Variants in AKAP19 observed in about 807,000 individuals in gnomAD.
The protein encoded by AKAP19 is A-kinase anchoring protein 19, also known as small A-kinase anchoring protein.
At chr2:190,197,583 T>A in the AKAP19 span, among the ~76,000 whole-genome samples, 1 of 152,180 alleles carries the variant, frequency 6.6e-6, no homozygotes, top group African/African-American at 2.4e-5. The surrounding 1 kb of genome is among the most constrained non-coding windows in gnomAD (Gnocchi z 4.0). Flanking sequence ...TCTCTGACTC[T>A]CCTGGGGCTC....
the AKAP19 span, among the ~76,000 whole-genome samples, chr2:189,979,152 G>A: frequency 6.6e-6 from 1 of 151,832 alleles, no homozygotes; most frequent in African/African-American, 2.4e-5. Flanking sequence ...GAACAAAGCT[G>A]GAGGCATCAT....
At chr2:189,952,625 G>A in the AKAP19 span, among the ~76,000 whole-genome samples, 8 of 152,086 alleles carry the variant, frequency 5.3e-5, no homozygotes, top group Non-Finnish European at 1.0e-4. Flanking sequence ...AAAGATCAAC[G>A]TTTCAATATC....
At chr2:190,199,727 G>A in the AKAP19 span, 833 of 1,487,328 alleles carry the variant, frequency 5.6e-4, 5 homozygotes, top group African/African-American at 0.011. Flanking sequence ...GTGGTGAAAG[G>A]GAACATTGAT....
the AKAP19 span, among the ~76,000 whole-genome samples, chr2:190,185,965 T>C: frequency 1.3e-5 from 2 of 152,222 alleles, no homozygotes; most frequent in Non-Finnish European, 2.9e-5. Flanking sequence ...ATTTTTATTT[T>C]TTTGAGACAG....
the AKAP19 span, among the ~76,000 whole-genome samples, chr2:189,919,962 AT>A: frequency 2.0e-5 from 3 of 152,250 alleles, no homozygotes; most frequent in African/African-American, 7.2e-5. Context: ...ACACACAAAC[AT>A]TCTGAGTTTT....
chr2:190,126,531 A>G, the AKAP19 span, among the ~76,000 whole-genome samples: 1 of 151,898 alleles, frequency 6.6e-6, no homozygotes, highest in Non-Finnish European at 1.5e-5. Flanking sequence ...GGTCTTAAAG[A>G]GCTTTACCTC....
At chr2:189,915,675 A>G in the AKAP19 span, among the ~76,000 whole-genome samples, 1 of 152,164 alleles carries the variant, frequency 6.6e-6, no homozygotes, top group Non-Finnish European at 1.5e-5. Context: ...GACACTGATG[A>G]GAATGCTTAT....
chr2:189,996,632 G>A, the AKAP19 span, among the ~76,000 whole-genome samples: 1 of 151,990 alleles, frequency 6.6e-6, no homozygotes, highest in Admixed American at 6.5e-5. Context: ...TTATTGATAG[G>A]GAGCTAGTGA....
the AKAP19 span, among the ~76,000 whole-genome samples, chr2:190,068,944 A>G: frequency 1.3e-5 from 2 of 152,094 alleles, no homozygotes; most frequent in Non-Finnish European, 2.9e-5. Flanking sequence ...TGGGCTTCCT[A>G]GATCTATGGC....
the AKAP19 span, among the ~76,000 whole-genome samples, chr2:190,044,498 G>A: frequency 2.6e-5 from 4 of 152,214 alleles, no homozygotes; most frequent in African/African-American, 9.6e-5. Context: ...TAGTCCAAGG[G>A]TGTCAAGGGC....
chr2:190,028,134 TC>T, the AKAP19 span, among the ~76,000 whole-genome samples: 1 of 152,124 alleles, frequency 6.6e-6, no homozygotes, highest in East Asian at 1.9e-4. Flanking sequence ...TTATCCTTAT[TC>T]CCTGCTATAT....
At chr2:190,190,745 A>G in the AKAP19 span, among the ~76,000 whole-genome samples, 1 of 152,164 alleles carries the variant, frequency 6.6e-6, no homozygotes, top group African/African-American at 2.4e-5. Flanking sequence ...TAGTGTGGGT[A>G]ATTATATTGT....
At chr2:189,880,153 C>T in the AKAP19 span, among the ~76,000 whole-genome samples, 2 of 152,166 alleles carry the variant, frequency 1.3e-5, no homozygotes, top group African/African-American at 2.4e-5. Context: ...CATTTCTCAA[C>T]TAAAAGTGTA....
At chr2:189,988,252 G>A in the AKAP19 span, among the ~76,000 whole-genome samples, 2 of 152,146 alleles carry the variant, frequency 1.3e-5, no homozygotes. Context: ...CAGGAAAAAG[G>A]CAGGCTTAGA....
chr2:190,160,710 T>TA, the AKAP19 span, among the ~76,000 whole-genome samples: 71,626 of 151,564 alleles, frequency 0.47, 18,663 homozygotes, highest in East Asian at 0.83. Flanking sequence ...GATTTTTTTT[T>TA]AAAAAAGAAG....
chr2:190,110,532 A>C, the AKAP19 span, among the ~76,000 whole-genome samples: 4 of 152,224 alleles, frequency 2.6e-5, no homozygotes, highest in African/African-American at 9.6e-5. Context: ...TTCTGCTCAG[A>C]TGTAAGGTGA....
At chr2:189,952,841 T>G in the AKAP19 span, among the ~76,000 whole-genome samples, 8 of 152,234 alleles carry the variant, frequency 5.3e-5, no homozygotes, top group Admixed American at 5.2e-4. Flanking sequence ...AATTGGTTCT[T>G]ATATAACTAT....
chr2:190,041,232 T>C, the AKAP19 span, among the ~76,000 whole-genome samples: 1 of 152,090 alleles, frequency 6.6e-6, no homozygotes, highest in Non-Finnish European at 1.5e-5. Flanking sequence ...GAGCCCTTTC[T>C]TCTTTCTGGT....
At chr2:189,932,178 G>C in the AKAP19 span, among the ~76,000 whole-genome samples, 2 of 151,992 alleles carry the variant, frequency 1.3e-5, no homozygotes, top group South Asian at 2.1e-4. Context: ...TATGACAAAT[G>C]GTCGTTAAAA....
Sources: allele counts gnomAD v4.1 joint callset (sites outside exome capture counted in the v4.1 genomes callset), GRCh38; gene constraint gnomAD v4.1.1; non-coding constraint Gnocchi (gnomAD v3.1); transcripts MANE v1.5; gene names NCBI Gene and HGNC (gene_info 2026-07-23, HGNC 2026-07-21).